Variants in MCM10 observed in about 807,000 individuals in gnomAD.
MCM10 encodes minichromosome maintenance 10 replication initiation factor.
In MCM10, 91 loss-of-function variants were observed where a neutral mutation model predicts 109.9. The ratio of observed to expected loss-of-function variants is 0.83; its 90% CI spans 0.70 to 0.99. The LOEUF is 0.99. MCM10 is among the 50% of genes least tolerant of loss of function. The pLI, the probability that MCM10 is intolerant of heterozygous loss-of-function variation, is 0.00. For missense variants in MCM10, 1,077 were observed against 1,061.2 expected (o/e 1.01, Z -0.21); for synonymous variants, 380 against 387.2 (o/e 0.98, Z 0.22).
At chr10:13,189,310 C>G (rs1252597914) in intron 10 of MCM10, among the ~76,000 whole-genome samples, 1 of 151,826 alleles carries the variant, frequency 6.6e-6, no homozygotes, top group African/African-American at 2.4e-5. Context: ...AGAGAGCCCA[C>G]TCTTCCTCTT....
At chr10:13,184,838 C>T (rs941040189) in intron 8 of MCM10, among the ~76,000 whole-genome samples, 88 of 152,144 alleles carry the variant, frequency 5.8e-4, no homozygotes, top group African/African-American at 2.1e-3. Flanking sequence ...ATTGGCATAC[C>T]GTGGAAGGGT....
chr10:13,195,854 C>T (rs1209545913), intron 14 of MCM10, among the ~76,000 whole-genome samples: 2 of 152,110 alleles, frequency 1.3e-5, no homozygotes, highest in East Asian at 1.9e-4. Context: ...CTGTCCACCT[C>T]GGCCTCCCAA....
intron 1 of MCM10, among the ~76,000 whole-genome samples, chr10:13,161,891 T>TATTCATTC (rs57090063): frequency 3.3e-5 from 5 of 151,718 alleles, no homozygotes; most frequent in African/African-American, 7.3e-5. Context: ...GGCTTTCTTT[T>TATTCATTC]ATTCATTCAT....
chr10:13,199,961 G>T (rs1266148973), intron 16 of MCM10, among the ~76,000 whole-genome samples: 2 of 151,972 alleles, frequency 1.3e-5, no homozygotes, highest in Non-Finnish European at 2.9e-5. Flanking sequence ...GCTAGGGCTA[G>T]ATAATGTACT....
intron 14 of MCM10, among the ~76,000 whole-genome samples, chr10:13,196,590 G>A (rs1038132121): frequency 6.6e-6 from 1 of 152,040 alleles, no homozygotes; most frequent in Admixed American, 6.6e-5. Context: ...TCGCCTCACT[G>A]CATCCTCTGC....
At chr10:13,167,743 C>A (rs1207098204) in intron 2 of MCM10, among the ~76,000 whole-genome samples, 3 of 152,134 alleles carry the variant, frequency 2.0e-5, no homozygotes, top group Non-Finnish European at 2.9e-5. Context: ...ACATCAGGAA[C>A]CTGAAGTTGA....
intron 18 of MCM10, among the ~76,000 whole-genome samples, chr10:13,207,516 G>A (rs142000927): frequency 7.0e-4 from 107 of 152,310 alleles, no homozygotes; most frequent in African/African-American, 2.4e-3. Flanking sequence ...TGGTTTGGCT[G>A]TGTCCCCACC....
chr10:13,190,038 G>A (rs777505408), intron 10 of MCM10, among the ~76,000 whole-genome samples: 4 of 152,188 alleles, frequency 2.6e-5, no homozygotes, highest in Admixed American at 6.5e-5. Context: ...GTGTTGGGCC[G>A]CATTCAAAGC....
At chr10:13,170,264 G>A (rs918865038) in intron 2 of MCM10, among the ~76,000 whole-genome samples, 1 of 152,168 alleles carries the variant, frequency 6.6e-6, no homozygotes, top group Non-Finnish European at 1.5e-5. Flanking sequence ...ACTTCATCTG[G>A]AAGGTGTTAT....
intron 6 of MCM10, among the ~76,000 whole-genome samples, chr10:13,177,279 G>A (rs372999895): frequency 2.3e-4 from 35 of 152,254 alleles, no homozygotes; most frequent in South Asian, 2.3e-3. Context: ...TGAACCTCAG[G>A]CCTTAAAAAT....
intron 18 of MCM10, among the ~76,000 whole-genome samples, chr10:13,204,961 T>C (rs1834550822): frequency 2.0e-5 from 2 of 101,500 alleles, no homozygotes; most frequent in Middle Eastern, 4.8e-3. Context: ...TTGTTTTTTA[T>C]TGTATTTTTT....
intron 2 of MCM10, among the ~76,000 whole-genome samples, chr10:13,170,509 G>T (rs1212022366): frequency 2.0e-5 from 3 of 152,080 alleles, no homozygotes; most frequent in Admixed American, 2.0e-4. Context: ...TCATTGATTG[G>T]AGTAGAATGC....
intron 6 of MCM10, 48 bp downstream of exon 6, chr10:13,175,729 G>T (rs1474323264): frequency 3.0e-6 from 4 of 1,347,584 alleles, no homozygotes; most frequent in African/African-American, 1.5e-5. Flanking sequence ...ATAGCTTTTT[G>T]TGCCTCTCGG....
chr10:13,167,091 A>T (rs949566135), intron 2 of MCM10, among the ~76,000 whole-genome samples: 1 of 152,118 alleles, frequency 6.6e-6, no homozygotes, highest in Admixed American at 6.5e-5. Flanking sequence ...GTGAGCTAAG[A>T]TTGCAACACT....
rs1381391321 is a variant in MCM10, at chr10:13,183,120, AT to A, written c.1098+23del. The A allele has an allele frequency of 6.2e-7, 1 of 1,602,580 alleles. No individual in the cohort carries two copies. The highest frequency in any genetic ancestry group is 1.8e-5 in the Admixed American group (1 of 56,900). Reference sequence around the variant, plus strand: ...GAGGAGGTAAGAGCCTGTTTCTGGGATTTGATTGATGATTGTCTTTACAAGT... The same window carrying A: ...GAGGAGGTAAGAGCCTGTTTCTGGGATTGATTGATGATTGTCTTTACAAGT... On this transcript the variant is annotated intron_variant, in intron 8 of 19. Transcript: ENST00000378714.
chr10:13,191,522 A>T (rs1024566170), intron 11 of MCM10, 123 bp downstream of exon 11: 1 of 688,744 alleles, frequency 1.5e-6, no homozygotes. Flanking sequence ...AAATCTCAGA[A>T]ATCACCACTA....
chr10:13,204,226 A>G lies in MCM10; in HGVS notation c.2360A>G (p.Tyr787Cys), dbSNP rs765547073. 4 of 1,613,966 alleles carry G rather than the reference A, an allele frequency of 2.5e-6. No homozygotes were observed. Among genetic ancestry groups the G allele is most frequent in the African/African-American group, 1.3e-5 (1 of 74,910 alleles). Reference sequence around the variant, plus strand: ...TTTTGTTGCTCTGTGCAGTGCGCCTATACCCACTTCAAGCTGCTGGAGACC... The same window carrying G: ...TTTTGTTGCTCTGTGCAGTGCGCCTGTACCCACTTCAAGCTGCTGGAGACC... Reference protein sequence around the residue: ...CRVVTCKTCAYTHFKLLETCV... With the variant: ...CRVVTCKTCACTHFKLLETCV... The change falls in exon 18 of 20, where the codon TAT (tyrosine) becomes TGT (cysteine). Residue 787 changes from tyrosine to cysteine, a missense_variant. Tyr to Cys is a radical substitution (Grantham distance 194). Coordinates refer to ENST00000378714, the MANE Select transcript of MCM10 (RefSeq NM_018518.5).
intron 1 of MCM10, 130 bp from the exon 2 acceptor site, chr10:13,163,998 A>T (rs1393351059): frequency 2.6e-5 from 10 of 389,208 alleles, no homozygotes; most frequent in Admixed American, 1.4e-4. Flanking sequence ...GGAGGTGAGA[A>T]ATGGTCAGAT....
intron 16 of MCM10, among the ~76,000 whole-genome samples, chr10:13,200,616 T>C (rs1055476076): frequency 6.6e-6 from 1 of 152,238 alleles, no homozygotes; most frequent in South Asian, 2.1e-4. Context: ...CAGGCCCTCC[T>C]GTCTGTGGAG....
Sources: allele counts gnomAD v4.1 joint callset (sites outside exome capture counted in the v4.1 genomes callset), GRCh38; gene constraint gnomAD v4.1.1; transcripts MANE v1.5; gene names NCBI Gene and HGNC (gene_info 2026-07-23, HGNC 2026-07-21).